NUP35: variants seen among roughly 807,000 people sequenced by gnomAD.
The protein encoded by NUP35 is nucleoporin 35.
Under a neutral mutation model 41.5 loss-of-function variants are expected in NUP35, and 25 were observed. The observed-to-expected ratio is 0.60, with a 90% CI of 0.44 to 0.84. NUP35 has a LOEUF of 0.84. Among genes scored for constraint, NUP35 ranks in the 40% least tolerant of loss-of-function variants. NUP35 has a pLI of 0.00. For synonymous variants in NUP35, 149 were observed against 130.7 expected, an observed-to-expected ratio of 1.14 and a Z score of -0.96; for missense variants, 396 against 396.6, an observed-to-expected ratio of 1.00 and a Z score of 0.01.
At chr2:183,152,156 A>ACACACACACACAG (rs56941373) in intron 5 of NUP35, among the ~76,000 whole-genome samples, 2,041 of 139,698 alleles carry the variant, frequency 0.015, 61 homozygotes, top group East Asian at 0.03. Flanking sequence ...CACACACACA[A>ACACACACACACAG]TGTCACAGGG....
Position 183,159,539 on chromosome 2 carries a change from T to G in NUP35, c.790T>G (p.Phe264Val). ...RCALSSPSLA[F>V]TPPIKTLGTP... ...TGCTTTATCATCTCCATCTTTAGCCTTTACACCACCAATCAAAACTCTAGG... is the reference window on the plus strand; with the variant it reads ...TGCTTTATCATCTCCATCTTTAGCCGTTACACCACCAATCAAAACTCTAGG... Residue 264 changes from phenylalanine to valine, a missense_variant, in exon 8 of 9, where the codon TTT becomes GTT. Transcript: ENST00000295119. 1.9e-6 allele frequency: 3 copies of G among 1,613,772 alleles called. No individual in the cohort carries two copies. Among genetic ancestry groups the G allele is most frequent in the Non-Finnish European group, 2.5e-6 (3 of 1,179,814 alleles).
chr2:183,155,949 C>T (rs994376167), intron 5 of NUP35, among the ~76,000 whole-genome samples: 3 of 152,084 alleles, frequency 2.0e-5, no homozygotes, highest in African/African-American at 7.2e-5. Flanking sequence ...AAGCATTCTC[C>T]TTTAAGGGAT....
chr2:183,130,905 A>G, intron 3 of NUP35: 1 of 1,021,742 alleles, frequency 9.8e-7, no homozygotes, highest in Non-Finnish European at 1.2e-6. Flanking sequence ...ATGTGAAAGA[A>G]CAAATGAAAA....
intron 4 of NUP35, among the ~76,000 whole-genome samples, chr2:183,140,145 T>C (rs774080453): frequency 2.0e-5 from 3 of 152,228 alleles, no homozygotes; most frequent in South Asian, 2.1e-4. Context: ...GTTACAGTTA[T>C]GGAGGTCAGA....
rs959504361 is a variant in NUP35 at position 183,125,394 on chromosome 2, C to G, written c.40+897C>G. On this transcript the variant is annotated intron_variant, in intron 1 of 8. Transcript: ENST00000295119. ...AAAAGTTAGGTTATAACTTTCTGAGCTTGGAAAAGAGAGCAAATGTAATAT... is the reference window on the plus strand; with the variant it reads ...AAAAGTTAGGTTATAACTTTCTGAGGTTGGAAAAGAGAGCAAATGTAATAT... 5.3e-5 allele frequency among the ~76,000 whole-genome samples: 8 copies of G among 149,588 alleles called. 1 individual carries two copies. The highest frequency in any genetic ancestry group is 2.0e-4 in the Admixed American group (3 of 15,220).
intron 1 of NUP35, chr2:183,118,308 A>AG (rs1700017108): frequency 6.6e-6 from 1 of 152,240 alleles, no homozygotes; most frequent in Non-Finnish European, 1.5e-5. Context: ...GTGAACATGC[A>AG]GTATTTCTAA....
chr2:183,161,284 T>C lies in NUP35; in HGVS notation c.*153T>C, dbSNP rs775873597. 2.7e-5 allele frequency: 13 copies of C among 481,442 alleles called. No homozygotes were observed. The highest frequency in any genetic ancestry group is 4.2e-5 in the Non-Finnish European group (11 of 262,990). 29.8% of individuals were successfully genotyped at this position (481,442 alleles called of 1,614,324 possible). A position where few individuals can be genotyped will look rare whatever the true frequency, so the allele number is the denominator to read the frequency against. On this transcript the variant is annotated 3_prime_UTR_variant, in exon 9 of 9. Transcript: ENST00000295119. ...CTTTTTCATTAAGGATACAACCTATTTGTAGCTCGCACTTTAAAAGATGCT... is the reference window on the plus strand; with the variant it reads ...CTTTTTCATTAAGGATACAACCTATCTGTAGCTCGCACTTTAAAAGATGCT...
At chr2:183,153,103 A>C (rs780367704) in intron 5 of NUP35, among the ~76,000 whole-genome samples, 28 of 152,172 alleles carry the variant, frequency 1.8e-4, no homozygotes, top group Non-Finnish European at 5.9e-5. Context: ...CGTGAGACTT[A>C]TTCATTATCA....
intron 1 of NUP35, among the ~76,000 whole-genome samples, chr2:183,119,377 G>C (rs1311984295): frequency 6.6e-6 from 1 of 152,086 alleles, no homozygotes; most frequent in East Asian, 1.9e-4. Context: ...CATCTAGTGG[G>C]GCTGAAAAGA....
chr2:183,154,614 G>A (rs1440820221), intron 5 of NUP35, among the ~76,000 whole-genome samples: 1 of 152,092 alleles, frequency 6.6e-6, no homozygotes, highest in Non-Finnish European at 1.5e-5. Context: ...ACCTCAGCTT[G>A]GAACTTATTG....
chr2:183,158,134 G>A (rs186774209), intron 6 of NUP35, 149 bp from the exon 7 acceptor site: 11 of 496,788 alleles, frequency 2.2e-5, no homozygotes, highest in Admixed American at 1.2e-4. Flanking sequence ...TTCTAAATAC[G>A]ATTTTTGTTG....
At chr2:183,124,384 C>T (rs1347666541), upstream of NUP35, 16 of 1,613,304 alleles carry the variant, frequency 9.9e-6, no homozygotes, top group Middle Eastern at 1.6e-4. Flanking sequence ...CACGCCGTTA[C>T]CCGTGGGGAG....
intron 8 of NUP35, 176 bp downstream of exon 8, chr2:183,159,828 T>G: frequency 4.1e-6 from 2 of 491,360 alleles, no homozygotes; most frequent in Non-Finnish European, 3.5e-6. Flanking sequence ...CTTGGCCAAT[T>G]GGAAAGTTAT....
chr2:183,152,029 C>T (rs978549148), intron 5 of NUP35, among the ~76,000 whole-genome samples: 3 of 151,514 alleles, frequency 2.0e-5, no homozygotes, highest in Non-Finnish European at 4.4e-5. Context: ...ACTTAGGGAA[C>T]TCCTTCCCCT....
intron 3 of NUP35, among the ~76,000 whole-genome samples, chr2:183,131,993 G>A (rs560588278): frequency 6.6e-6 from 1 of 151,964 alleles, no homozygotes; most frequent in South Asian, 2.1e-4. Context: ...GGCCGAGGTG[G>A]GCGGATTGCT....
At chr2:183,138,269 A>ATATATATATATATTTTTTTTTTTT in intron 4 of NUP35, among the ~76,000 whole-genome samples, 1 of 80,690 alleles carries the variant, frequency 1.2e-5, no homozygotes, top group African/African-American at 6.2e-5. Flanking sequence ...ATATATATAT[A>ATATATATATATATTTTTTTTTTTT]TTTTTTTTTT....
intron 1 of NUP35, among the ~76,000 whole-genome samples, chr2:183,127,017 A>G (rs1575111828): frequency 1.3e-5 from 2 of 151,800 alleles, no homozygotes; most frequent in Non-Finnish European, 3.0e-5. Context: ...CTATAATTCT[A>G]ACAAAAGCTC....
At chr2:183,131,014 A>C (rs925803) in intron 3 of NUP35, 667,095 of 817,280 alleles carry the variant, frequency 0.82, 274,365 homozygotes, top group African/African-American at 0.92. Context: ...CAGGGTCCTG[A>C]TCAGTTGCCC....
chr2:183,154,240 C>T (rs1300350795), intron 5 of NUP35, among the ~76,000 whole-genome samples: 1 of 152,120 alleles, frequency 6.6e-6, no homozygotes, highest in Non-Finnish European at 1.5e-5. Context: ...GAGACATTTT[C>T]CCCATGCTCT....
Sources: allele counts gnomAD v4.1 joint callset (sites outside exome capture counted in the v4.1 genomes callset), GRCh38; gene constraint gnomAD v4.1.1; transcripts MANE v1.5; gene names NCBI Gene and HGNC (gene_info 2026-07-23, HGNC 2026-07-21).